The following ITFG2 variants were observed in gnomAD, a reference collection of about 807,000 sequenced individuals.
The protein encoded by ITFG2 is integrin alpha FG-GAP repeat containing 2, also known as KICSTOR complex protein ITFG2.
ITFG2 carries 36 observed loss-of-function variants against 54.4 expected under a neutral mutation model. The observed-to-expected ratio is 0.66, with a 90% CI of 0.51 to 0.87. The LOEUF (loss-of-function observed/expected upper bound fraction) is 0.87, where lower values mean the gene tolerates loss of function less well. Among genes scored for constraint, ITFG2 ranks in the 40% least tolerant of loss-of-function variants. ITFG2 has a pLI of 0.00. For missense variants in ITFG2, 524 were observed against 576.7 expected (o/e 0.91, Z 0.94); for synonymous variants, 211 against 225.4 (o/e 0.94, Z 0.57).
chr12:2,817,847 C>T (rs1411727344), intron 2 of ITFG2, 62 bp from the exon 3 acceptor site: 5 of 1,508,202 alleles, frequency 3.3e-6, no homozygotes, highest in Non-Finnish European at 4.5e-6. Context: ...TCCTGCTTCA[C>T]AGAGATCAGG....
At chr12:2,855,029 T>A (rs1180221876) in intron 2 of ITFG2, 1 of 1,536,156 alleles carries the variant, frequency 6.5e-7, no homozygotes, top group South Asian at 1.2e-5. Context: ...TTCTTCCTTT[T>A]CATGTCCACA....
exon 3 of ITFG2, chr12:2,830,845 T>C: frequency 6.2e-7 from 1 of 1,613,518 alleles, no homozygotes; most frequent in Non-Finnish European, 8.5e-7. Context: ...CGTCTTTGGA[T>C]CACACTGCGC....
chr12:2,830,094 T>A (rs1253608999), intron 2 of ITFG2: 3 of 151,932 alleles, frequency 2.0e-5, no homozygotes, highest in African/African-American at 7.3e-5. Context: ...ATTTTTTTTT[T>A]TAAAAAAAGG....
intron 2 of ITFG2, among the ~76,000 whole-genome samples, chr12:2,843,328 T>TA (rs1458513966): frequency 7.9e-5 from 12 of 152,322 alleles, no homozygotes; most frequent in African/African-American, 2.6e-4. Flanking sequence ...CACACCTCCC[T>TA]ACTGCCATCC....
Position 2,812,703 on chromosome 12 carries a change from A to G in ITFG2, c.-58A>G. The G allele has an allele frequency of 6.7e-7, 1 of 1,489,232 alleles. No individual in the cohort carries two copies. Among genetic ancestry groups the G allele is most frequent in the Non-Finnish European group, 9.3e-7 (1 of 1,070,600 alleles). The allele number at this position is 1,489,232 out of a possible 1,614,324, so 92.3% of individuals were successfully genotyped here. A position where few individuals can be genotyped will look rare whatever the true frequency, so the allele number is the denominator to read the frequency against. On this transcript the variant is annotated 5_prime_UTR_variant, in exon 1 of 12. Transcript: ENST00000228799. ...GCCTTCCGCTCTGGCGGCTGTCGCG[A>G]CGGGGGTTCAGGGAATATTTACTGG... is the stretch of plus-strand genomic sequence containing the variant.
chr12:2,819,235 A>T (rs2097933702), intron 4 of ITFG2, among the ~76,000 whole-genome samples: 1 of 152,028 alleles, frequency 6.6e-6, no homozygotes. Flanking sequence ...GAAGCCGAGG[A>T]GGGCAGACCA....
chr12:2,852,172 A>C (rs1565449678), intron 2 of ITFG2, among the ~76,000 whole-genome samples: 1 of 152,134 alleles, frequency 6.6e-6, no homozygotes, highest in Admixed American at 6.5e-5. Flanking sequence ...TGGGGACCTA[A>C]TTCCTTGTCT....
chr12:2,855,821 G>A (rs944978266), intron 2 of ITFG2, among the ~76,000 whole-genome samples: 5 of 152,144 alleles, frequency 3.3e-5, no homozygotes, highest in Non-Finnish European at 7.3e-5. Context: ...AAATCATGAA[G>A]GGAAATGCTC....
In ITFG2 at chr12:2,821,278, C is replaced by A. The variant is rs1451276532; in HGVS notation, c.712C>A (p.Arg238=). ...TDGSRETPAA[R]DVVLHQTSGR... Reference sequence around the variant, plus strand: ...TGTGCACAGGGAGACCCCAGCTGCCCGAGACGTGGTGCTGCACCAGACATC... The same window carrying A: ...TGTGCACAGGGAGACCCCAGCTGCCAGAGACGTGGTGCTGCACCAGACATC... Residue 238 remains arginine (R), a synonymous_variant, in exon 7 of 12, where the codon CGA becomes AGA. Coordinates refer to ENST00000228799, the MANE Select transcript of ITFG2 (RefSeq NM_018463.4). 6.2e-7 allele frequency: 1 copy of A among 1,607,960 alleles called. No homozygotes were observed. The highest frequency in any genetic ancestry group is 1.7e-4 in the Middle Eastern group (1 of 6,052).
At chr12:2,856,901 C>G in intron 2 of ITFG2, 1 of 702,838 alleles carries the variant, frequency 1.4e-6, no homozygotes, top group Non-Finnish European at 2.6e-6. Context: ...AAGGGACAGC[C>G]TGTAGCCCAG....
chr12:2,828,148 C>G (rs982766598), downstream of ITFG2: 200 of 1,256,108 alleles, frequency 1.6e-4, no homozygotes, highest in Admixed American at 4.0e-3. Flanking sequence ...ATCTCCAACC[C>G]CTGACCTCAC....
At chr12:2,849,378 C>T in intron 2 of ITFG2, 1 of 1,536,154 alleles carries the variant, frequency 6.5e-7, no homozygotes, top group Non-Finnish European at 8.7e-7. Flanking sequence ...GCGCGCTGGG[C>T]AGCAAGGCCA....
chr12:2,830,660 G>A (rs776450728), intron 2 of ITFG2: 10 of 1,566,566 alleles, frequency 6.4e-6, no homozygotes, highest in Non-Finnish European at 8.6e-6. Flanking sequence ...GGTGAAGTGA[G>A]TGCAGGCAGG....
chr12:2,852,800 C>T (rs1228035651), intron 2 of ITFG2, among the ~76,000 whole-genome samples: 1 of 152,072 alleles, frequency 6.6e-6, no homozygotes, highest in East Asian at 1.9e-4. Context: ...GAGTTCAAGA[C>T]TAGCCTGGCC....
rs142638240 is a variant in ITFG2 at position 2,820,816 on chromosome 12, C to T, written c.639C>T (p.Thr213=). 1.2e-6 allele frequency: 2 copies of T among 1,614,058 alleles called. No individual in the cohort carries two copies. The highest frequency in any genetic ancestry group is 1.7e-6 in the Non-Finnish European group (2 of 1,179,978). ...GTGCGTATGCAATTCTACTGTGTAC[C>T]TGGAAAAAGGACACTGGGTCCCCTC... is the stretch of plus-strand genomic sequence containing the variant. ...PGCAYAILLC[T]WKKDTGSPPA... Residue 213 remains threonine, a synonymous_variant, in exon 6 of 12, where the codon ACC becomes ACT. Transcript: ENST00000228799.
In ITFG2 at chr12:2,824,541, A is replaced by G. The variant is rs776417180; in HGVS notation, c.*348A>G. The stretch of plus-strand genomic sequence containing the variant: ...ACTTGTTTGTGTGGCCCCAACACCC[A>G]TAAGGAAACCAGGCTTTAGGCCCAG... On this transcript the variant is annotated 3_prime_UTR_variant, in exon 12 of 12. Coordinates refer to ENST00000228799, the MANE Select transcript of ITFG2 (RefSeq NM_018463.4). The G allele has an allele frequency of 2.2e-5, 7 of 322,828 alleles. No individual in the cohort carries two copies. The highest frequency in any genetic ancestry group is 3.6e-5 in the Non-Finnish European group (6 of 166,462). The allele number at this position is 322,828 out of a possible 1,614,324, so 20.0% of individuals were successfully genotyped here.
chr12:2,831,800 C>T (rs1373103843), downstream of ITFG2, among the ~76,000 whole-genome samples: 1 of 152,004 alleles, frequency 6.6e-6, no homozygotes, highest in Non-Finnish European at 1.5e-5. Context: ...TCTTGCTATG[C>T]TGCCCAGACT....
intron 3 of ITFG2, chr12:2,858,455 G>C (rs1305811715): frequency 1.7e-6 from 1 of 581,830 alleles, no homozygotes; most frequent in African/African-American, 1.9e-5. Context: ...AGATACTCTT[G>C]GGGAACACAA....
intron 1 of ITFG2, among the ~76,000 whole-genome samples, chr12:2,813,302 A>G (rs917310371): frequency 1.3e-5 from 2 of 152,226 alleles, no homozygotes; most frequent in Non-Finnish European, 2.9e-5. Context: ...CGTTTTTTAA[A>G]TAAATTACCA....
Sources: gnomAD v4.1 joint callset for allele counts (sites outside exome capture counted in the v4.1 genomes callset) on GRCh38, gnomAD v4.1.1 for gene constraint, MANE v1.5 for transcripts, NCBI Gene and HGNC (gene_info 2026-07-23, HGNC 2026-07-21) for gene names.